The following GPN2 variants were observed in gnomAD, a reference collection of about 807,000 sequenced individuals.
GPN2 encodes the protein GPN-loop GTPase 2, also known as ATP-binding domain 1 family member B.
Under a neutral mutation model 30.1 loss-of-function variants are expected in GPN2, and 27 were observed. That is an observed-to-expected ratio of 0.90 (90% CI 0.66 to 1.24). The LOEUF is 1.24. GPN2 is among the 50% of genes most tolerant of loss of function. GPN2 has a pLI of 0.00. For synonymous variants in GPN2, 212 were observed against 174.4 expected (o/e 1.22, Z -1.70); for missense variants, 406 against 405.4 (o/e 1.00, Z -0.01).
intron 4 of GPN2, among the ~76,000 whole-genome samples, chr1:26,883,856 C>A (rs984009279): frequency 1.3e-5 from 2 of 150,580 alleles, no homozygotes; most frequent in East Asian, 1.9e-4. Context: ...CTGGCCAACA[C>A]AGTGAAACCC....
intron 3 of GPN2, 32 bp downstream of exon 3, chr1:26,885,941 A>G: frequency 6.5e-7 from 1 of 1,544,490 alleles, no homozygotes. Context: ...AATCCCATGC[A>G]CTGTCAAGAG....
intron 3 of GPN2, 82 bp from the exon 4 acceptor site, chr1:26,884,372 C>T: frequency 7.1e-7 from 1 of 1,408,920 alleles, no homozygotes; most frequent in Non-Finnish European, 9.6e-7. Flanking sequence ...ACACCTTCCT[C>T]CATCTTGCCT....
At chr1:26,887,383 C>G (rs2124003350) in intron 2 of GPN2, among the ~76,000 whole-genome samples, 1 of 152,226 alleles carries the variant, frequency 6.6e-6, no homozygotes, top group South Asian at 2.1e-4. Context: ...GCTGAGGACT[C>G]TACATCACTC....
intron 4 of GPN2, among the ~76,000 whole-genome samples, chr1:26,881,982 A>G (rs1414793561): frequency 6.6e-6 from 1 of 152,180 alleles, no homozygotes; most frequent in Non-Finnish European, 1.5e-5. Context: ...TTGGGAGGCC[A>G]AGGCAGGTGG....
At position 26,890,041 on chromosome 1, in the gene GPN2, C is replaced by G; in HGVS notation, c.56G>C (p.Gly19Ala). 6.3e-7 allele frequency: 1 copy of G among 1,587,800 alleles called. No individual in the cohort carries two copies. Among genetic ancestry groups the G allele is most frequent in the Non-Finnish European group, 8.5e-7 (1 of 1,173,338 alleles). ...AFGQAVIGPPGSGKTTYCLGM... is the reference protein window; with the variant it reads ...AFGQAVIGPPASGKTTYCLGM... ...CAGGCAGTACGTGGTCTTCCCTGAG[C>G]CCGGCGGGCCGATCACCGCCTGCCC... is the stretch of plus-strand genomic sequence containing the variant. The change falls in exon 1 of 5, where the codon GGC (glycine) becomes GCC (alanine). Residue 19 changes from glycine to alanine, a missense_variant. Transcript: ENST00000374135.
Position 26,889,783 on chromosome 1 carries a change from T to C in GPN2, c.314A>G (p.His105Arg). 1.9e-6 allele frequency: 3 copies of C among 1,613,922 alleles called. No homozygotes were observed. The highest frequency in any genetic ancestry group is 2.5e-6 in the Non-Finnish European group (3 of 1,180,016). ...GCCTGGGCAGTCGAAGAGGAAGTAGTGGCCGCGGAGGGGGTCGAGCTTGGC... is the reference window on the plus strand; with the variant it reads ...GCCTGGGCAGTCGAAGAGGAAGTAGCGGCCGCGGAGGGGGTCGAGCTTGGC... ...LRAKLDPLRG[H>R]YFLFDCPGQV... The change falls in exon 1 of 5, where the codon CAC (histidine) becomes CGC (arginine). Residue 105 changes from histidine (H) to arginine (R), a missense_variant. His to Arg is a conservative substitution (Grantham distance 29). Transcript: ENST00000374135.
At chr1:26,879,822 C>T (rs2081855769) in intron 4 of GPN2, 73 bp from the exon 5 acceptor site, 14 of 935,646 alleles carry the variant, frequency 1.5e-5, no homozygotes, top group South Asian at 6.8e-5. Context: ...ATCTGACTTC[C>T]GCTGATGCCT....
rs2081879279 is a variant in GPN2 at position 26,884,219 on chromosome 1, C to T, written c.801G>A (p.Glu267=). Residue 267 remains glutamate (E), a synonymous_variant, in exon 4 of 5, where the codon GAG becomes GAA. Coordinates refer to ENST00000374135, the MANE Select transcript of GPN2 (RefSeq NM_018066.4). ...ACATCATGGCTTCCAAGCTTCGCTGCTCTTGGGCTCTGAAACAGTATCCAT... is the reference window on the plus strand; with the variant it reads ...ACATCATGGCTTCCAAGCTTCGCTGTTCTTGGGCTCTGAAACAGTATCCAT... ...KANGYCFRAQ[E]QRSLEAMMSA... is the part of the protein sequence containing the mutation. The T allele has an allele frequency of 6.2e-7, 1 of 1,613,818 alleles. No homozygotes were observed. The highest frequency in any genetic ancestry group is 8.5e-7 in the Non-Finnish European group (1 of 1,179,938).
Position 26,886,181 on chromosome 1 carries a change from A to C in GPN2, c.569-48T>G, listed in dbSNP as rs1172661210. The C allele has an allele frequency of 3.6e-6, 5 of 1,400,466 alleles. No homozygotes were observed. The South Asian group carries it at 3.6e-5, about 10-fold the overall frequency. 86.8% of individuals were successfully genotyped at this position (1,400,466 alleles called of 1,614,324 possible). A position where few individuals can be genotyped will look rare whatever the true frequency, so the allele number is the denominator to read the frequency against. On this transcript the variant is annotated intron_variant, in intron 2 of 4. Coordinates refer to ENST00000374135, the MANE Select transcript of GPN2 (RefSeq NM_018066.4). ...AGGAGCAACCAGTATCAGGCTAAAG[A>C]CCTGAGGACGAGGTTCCTTTTTCCT...
intron 4 of GPN2, among the ~76,000 whole-genome samples, chr1:26,883,856 C>T (rs984009279): frequency 2.7e-5 from 4 of 150,464 alleles, no homozygotes; most frequent in African/African-American, 9.8e-5. Flanking sequence ...CTGGCCAACA[C>T]AGTGAAACCC....
At chr1:26,883,922 C>T (rs2124294955) in intron 4 of GPN2, among the ~76,000 whole-genome samples, 1 of 151,950 alleles carries the variant, frequency 6.6e-6, no homozygotes, top group Admixed American at 6.6e-5. Flanking sequence ...TGGCTGTAGT[C>T]CCAGCTACTC....
intron 2 of GPN2, among the ~76,000 whole-genome samples, chr1:26,888,151 C>T (rs1368031644): frequency 6.6e-6 from 1 of 152,144 alleles, no homozygotes; most frequent in Non-Finnish European, 1.5e-5. Context: ...TGAGCCACCA[C>T]GCCCAGCCGA....
At chr1:26,883,872 CT>C (rs909734476) in intron 4 of GPN2, among the ~76,000 whole-genome samples, 1 of 151,786 alleles carries the variant, frequency 6.6e-6, no homozygotes, top group Non-Finnish European at 1.5e-5. Context: ...AACCCCGTCT[CT>C]ACTAAAAATA....
In GPN2 at chr1:26,877,838, A is replaced by AG. The variant is rs1186920420; in HGVS notation, c.*1838dup. The AG allele has an allele frequency of 6.6e-6, 1 of 152,238 alleles. No homozygotes were observed. The highest frequency in any genetic ancestry group is 2.4e-5 in the African/African-American group (1 of 41,456). The allele number at this position is 152,238 out of a possible 1,614,324, so 9.4% of individuals were successfully genotyped here. ...ATCATGAGGTCAGTAGTTCAAGACC[A>AG]GCCTGAACAACATGGTGAAACCCCG... On this transcript the variant is annotated 3_prime_UTR_variant, in exon 5 of 5. Transcript: ENST00000374135.
intron 2 of GPN2, chr1:26,886,461 C>T (rs757030823): frequency 2.4e-5 from 11 of 459,390 alleles, no homozygotes; most frequent in African/African-American, 1.2e-4. Context: ...TTTGGGAAGC[C>T]GAGGTGGGTG....
chr1:26,885,004 A>T (rs1429712431), intron 3 of GPN2, among the ~76,000 whole-genome samples: 2 of 152,188 alleles, frequency 1.3e-5, no homozygotes, highest in Non-Finnish European at 2.9e-5. Context: ...AAACAAAAAA[A>T]AACTATAACT....
Position 26,879,737 on chromosome 1 carries a change from G to T in GPN2, c.873C>A (p.Ile291=). 6.2e-7 allele frequency: 1 copy of T among 1,613,536 alleles called. No homozygotes were observed. The highest frequency in any genetic ancestry group is 8.5e-7 in the Non-Finnish European group (1 of 1,179,600). ...TCGAGGGTGCCAGGTACTTCTCCTG[G>T]ATGCCCAGTGTGCTGAGGAAGGGTG... is the stretch of plus-strand genomic sequence containing the variant. ...ADFHFSSTLG[I]QEKYLAPSNQ... The change falls in exon 5 of 5, where the codon ATC becomes ATA. Residue 291 remains isoleucine, a synonymous_variant. Coordinates refer to ENST00000374135, the MANE Select transcript of GPN2 (RefSeq NM_018066.4).
intron 4 of GPN2, among the ~76,000 whole-genome samples, chr1:26,882,471 G>T (rs2081869446): frequency 6.6e-6 from 1 of 152,082 alleles, no homozygotes; most frequent in Non-Finnish European, 1.5e-5. Context: ...CTTCATCAGG[G>T]ACTGCACACT....
intron 4 of GPN2, among the ~76,000 whole-genome samples, chr1:26,881,803 T>C (rs897957093): frequency 6.6e-6 from 1 of 151,838 alleles, no homozygotes. Flanking sequence ...TCCCAGCACT[T>C]TGGGAGGCTG....
Sources: allele counts gnomAD v4.1 joint callset (sites outside exome capture counted in the v4.1 genomes callset), GRCh38; gene constraint gnomAD v4.1.1; transcripts MANE v1.5; gene names NCBI Gene and HGNC (gene_info 2026-07-23, HGNC 2026-07-21).